The following PRNP variants were observed in gnomAD, a reference collection of about 807,000 sequenced individuals.
PRNP encodes prion protein (Kanno blood group).
Under a neutral mutation model 21.3 loss-of-function variants are expected in PRNP, and 15 were observed. The observed-to-expected ratio is 0.71, with a 90% confidence interval of 0.47 to 1.09. PRNP has a LOEUF of 1.09. Ranked by LOEUF, PRNP falls within the 50% of genes least tolerant of loss-of-function variation. The pLI is 0.00. For synonymous variants in PRNP, 121 were observed against 123.1 expected (o/e 0.98, Z 0.11); for missense variants, 285 against 340.9 (o/e 0.84, Z 1.29).
chr20:4,697,889 G>A lies in PRNP; in HGVS notation c.-10-1322G>A, dbSNP rs1922266208. ...GTGCTTAGCATTGATTTTCAAGGTA[G>A]AGCTACTGAGATTTGCTGATAGATC... On this transcript the variant is annotated intron_variant, in intron 1 of 1. Coordinates refer to ENST00000379440, the MANE Select transcript of PRNP (RefSeq NM_000311.5). The surrounding 1 kb of genome is among the most constrained non-coding windows in gnomAD (Gnocchi z 4.6). Among the ~76,000 whole-genome samples, 1 of 152,224 alleles carries A rather than the reference G, an allele frequency of 6.6e-6. No individual in the cohort carries two copies. Among genetic ancestry groups the A allele is most frequent in the Admixed American group, 6.5e-5 (1 of 15,290 alleles).
intron 1 of PRNP, among the ~76,000 whole-genome samples, chr20:4,694,166 T>C (rs1481248314): frequency 1.3e-5 from 2 of 151,912 alleles, no homozygotes; most frequent in Non-Finnish European, 2.9e-5. Context: ...ATTTCTTCTA[T>C]GGTTATTGGT....
rs141956661 is a variant in PRNP, at chr20:4,696,560, A to G, written c.-10-2651A>G. On this transcript the variant is annotated intron_variant, in intron 1 of 1. Transcript: ENST00000379440. ...ATGTGCATGATCACACTAATTGCAA[A>G]TAGTGTCAGCTAGAGCACTTTCCTT... Among the ~76,000 whole-genome samples, 291 of 152,258 alleles carry G rather than the reference A, an allele frequency of 1.9e-3. 4 individuals are homozygous for G. Among genetic ancestry groups the G allele is most frequent in the African/African-American group, 6.7e-3 (277 of 41,528 alleles).
chr20:4,696,201 C>A (rs1022909152), intron 1 of PRNP, among the ~76,000 whole-genome samples: 14 of 152,118 alleles, frequency 9.2e-5, no homozygotes, highest in African/African-American at 3.4e-4. Context: ...TTTTAACTGG[C>A]ATTTTATTGC....
chr20:4,700,102 G>A lies in PRNP; in HGVS notation c.*120G>A, dbSNP rs537695224. 117 of 1,550,118 alleles carry A rather than the reference G, an allele frequency of 7.5e-5. No individual in the cohort carries two copies. The South Asian group carries it at 1.2e-3, about 16-fold the overall frequency. On this transcript the variant is annotated 3_prime_UTR_variant, in exon 2 of 2. Transcript: ENST00000379440. The surrounding 1 kb of genome is among the most constrained non-coding windows in gnomAD (Gnocchi z 4.1). Reference sequence around the variant, plus strand: ...CTTTCTTCTCTCTTTGTCCCGGATAGGCTAATCAATACCCTTGGCACTGAT... The same window carrying A: ...CTTTCTTCTCTCTTTGTCCCGGATAAGCTAATCAATACCCTTGGCACTGAT...
At chr20:4,695,540 G>A (rs1024869551) in intron 1 of PRNP, among the ~76,000 whole-genome samples, 1 of 148,922 alleles carries the variant, frequency 6.7e-6, no homozygotes, top group African/African-American at 2.5e-5. Flanking sequence ...CCATGTCTTT[G>A]CTATTGTGGA....
chr20:4,692,306 G>A (rs1302713363), intron 1 of PRNP, among the ~76,000 whole-genome samples: 1 of 152,118 alleles, frequency 6.6e-6, no homozygotes, highest in Non-Finnish European at 1.5e-5. Flanking sequence ...TTTTCCCCAT[G>A]AAATGTTTAA....
intron 1 of PRNP, among the ~76,000 whole-genome samples, chr20:4,696,044 C>T (rs1922148658): frequency 6.6e-6 from 1 of 152,172 alleles, no homozygotes; most frequent in Admixed American, 6.5e-5. Flanking sequence ...CAGTCTTCGT[C>T]ACTGTGGTTT....
chr20:4,696,259 A>G (rs1456483314), intron 1 of PRNP, among the ~76,000 whole-genome samples: 2 of 152,188 alleles, frequency 1.3e-5, no homozygotes, highest in South Asian at 2.1e-4. Context: ...ATACTGAGTT[A>G]TCGCCATCAA....
Position 4,697,503 on chromosome 20 carries a change from C to T in PRNP, c.-10-1708C>T, listed in dbSNP as rs190592675. Among the ~76,000 whole-genome samples the T allele has an allele frequency of 5.3e-5, 8 of 152,308 alleles. No homozygotes were observed. On this transcript the variant is annotated intron_variant, in intron 1 of 1. Coordinates refer to ENST00000379440, the MANE Select transcript of PRNP (RefSeq NM_000311.5). The surrounding 1 kb of genome is among the most constrained non-coding windows in gnomAD (Gnocchi z 4.6). ...AGGTAGAGTGATGGGAACAGCCCCA[C>T]TGAGCAAACTTTAGCCACATGAGTA...
At chr20:4,688,110 T>C (rs909371041) in intron 1 of PRNP, among the ~76,000 whole-genome samples, 1 of 152,196 alleles carries the variant, frequency 6.6e-6, no homozygotes, top group Non-Finnish European at 1.5e-5. Context: ...GAAAGGAAAA[T>C]ATTAAGATTA....
rs1313855686 is a variant in PRNP at position 4,699,330 on chromosome 20, G to A, written c.110G>A (p.Arg37Gln). ...GGAGGATGGAACACTGGGGGCAGCC[G>A]ATACCCGGGGCAGGGCAGCCCTGGA... ...KPGGWNTGGS[R>Q]YPGQGSPGGN... The change falls in exon 2 of 2, where the codon CGA (arginine) becomes CAA (glutamine). Residue 37 changes from arginine to glutamine, a missense_variant. Transcript: ENST00000379440. The surrounding 1 kb of genome is among the most constrained non-coding windows in gnomAD (Gnocchi z 5.8). 4 of 1,613,738 alleles carry A rather than the reference G, an allele frequency of 2.5e-6. No individual in the cohort carries two copies. Among genetic ancestry groups the A allele is most frequent in the Non-Finnish European group, 2.5e-6 (3 of 1,179,972 alleles).
chr20:4,690,822 CA>C (rs1460962991), intron 1 of PRNP, among the ~76,000 whole-genome samples: 12 of 152,166 alleles, frequency 7.9e-5, no homozygotes, highest in Non-Finnish European at 1.8e-4. Flanking sequence ...CTAGCCAGGA[CA>C]GTTAGACAAG....
rs935244607 is a variant in PRNP, at chr20:4,700,889, C to T, written c.*907C>T. On this transcript the variant is annotated 3_prime_UTR_variant, in exon 2 of 2. Transcript: ENST00000379440. This position sits in a 1 kb window ranked among gnomAD's most constrained non-coding sequence, Gnocchi z 4.1. ...TGGAAACCAGAATGATTTTGACATA[C>T]AGGAGAGCTGCAGTTGTGAAAGCAC... 26 of 166,930 alleles carry T rather than the reference C, an allele frequency of 1.6e-4. No homozygotes were observed. The highest frequency in any genetic ancestry group is 6.0e-4 in the African/African-American group (25 of 41,582). 10.3% of individuals were successfully genotyped at this position (166,930 alleles called of 1,614,324 possible).
chr20:4,698,905 G>C (rs1220829823), intron 1 of PRNP, among the ~76,000 whole-genome samples: 8 of 152,200 alleles, frequency 5.3e-5, no homozygotes, highest in African/African-American at 2.4e-5. Flanking sequence ...TGTTTGATCT[G>C]TTTGTTGTTT....
chr20:4,687,538 C>A (rs1338579499), intron 1 of PRNP, among the ~76,000 whole-genome samples: 1 of 132,386 alleles, frequency 7.6e-6, no homozygotes, highest in Non-Finnish European at 1.8e-5. Context: ...TGTTTACTGT[C>A]CTTTTTAAGG....
chr20:4,687,164 G>T (rs1163718842), intron 1 of PRNP, among the ~76,000 whole-genome samples: 1 of 152,138 alleles, frequency 6.6e-6, no homozygotes, highest in African/African-American at 2.4e-5. Context: ...CTCGCCGCCT[G>T]AGCTTCTCCG....
chr20:4,696,964 C>T (rs1922209638), intron 1 of PRNP, among the ~76,000 whole-genome samples: 1 of 152,186 alleles, frequency 6.6e-6, no homozygotes. Flanking sequence ...AGATCCTTAA[C>T]TCTTACAGCT....
At chr20:4,693,319 C>CT (rs1449600411) in intron 1 of PRNP, among the ~76,000 whole-genome samples, 1 of 152,168 alleles carries the variant, frequency 6.6e-6, no homozygotes, top group African/African-American at 2.4e-5. Context: ...TCTTGTCCCA[C>CT]TAAATTTTCT....
At chr20:4,692,684 C>A (rs761336318) in intron 1 of PRNP, among the ~76,000 whole-genome samples, 9 of 152,082 alleles carry the variant, frequency 5.9e-5, no homozygotes, top group Non-Finnish European at 1.2e-4. Context: ...TGAAGAAAAT[C>A]TTTTCTTCCT....
Sources: gnomAD v4.1 joint callset for allele counts (sites outside exome capture counted in the v4.1 genomes callset) on GRCh38, gnomAD v4.1.1 for gene constraint, Gnocchi (gnomAD v3.1) non-coding constraint, MANE v1.5 for transcripts, NCBI Gene and HGNC (gene_info 2026-07-23, HGNC 2026-07-21) for gene names.